Variants in PLEKHH2 observed in about 807,000 individuals in gnomAD.
The protein encoded by PLEKHH2 is pleckstrin homology domain-containing family H member 2.
In PLEKHH2, 129 loss-of-function variants were observed where a neutral mutation model predicts 187.9. The observed-to-expected ratio is 0.69, with a 90% confidence interval of 0.59 to 0.79. The LOEUF (loss-of-function observed/expected upper bound fraction) is 0.79. PLEKHH2 is among the 30% of genes least tolerant of loss of function. PLEKHH2 has a pLI of 0.00. For missense variants in PLEKHH2, 2,076 were observed against 1,751.2 expected (o/e 1.19, Z -3.31); for synonymous variants, 686 against 605.6 (o/e 1.13, Z -1.95).
intron 2 of PLEKHH2, among the ~76,000 whole-genome samples, chr2:43,654,926 C>T (rs1164059639): frequency 6.6e-6 from 1 of 152,122 alleles, no homozygotes; most frequent in African/African-American, 2.4e-5. Context: ...ACTCAGGAGG[C>T]TGAGGCGGGG....
chr2:43,708,794 T>C (rs1669797972), intron 11 of PLEKHH2, among the ~76,000 whole-genome samples: 1 of 152,160 alleles, frequency 6.6e-6, no homozygotes, highest in South Asian at 2.1e-4. Context: ...AATCCTTTAA[T>C]CTCTGGGCCT....
At chr2:43,679,375 G>C (rs1288303873) in intron 3 of PLEKHH2, 3 of 237,912 alleles carry the variant, frequency 1.3e-5, no homozygotes, top group Admixed American at 5.6e-5. Flanking sequence ...AAAATGCTTA[G>C]AGTTGTATTA....
chr2:43,677,206 T>TG (rs1213197797), intron 2 of PLEKHH2, among the ~76,000 whole-genome samples: 26 of 151,734 alleles, frequency 1.7e-4, no homozygotes, highest in Non-Finnish European at 3.1e-4. Flanking sequence ...TTTATGAGTT[T>TG]TTTTTTTTTT....
At chr2:43,720,860 G>A (rs549970334) in intron 16 of PLEKHH2, 111 bp downstream of exon 16, 7 of 1,445,840 alleles carry the variant, frequency 4.8e-6, no homozygotes, top group African/African-American at 4.3e-5. Flanking sequence ...TCTTTATGAG[G>A]TTGAAATTTG....
intron 2 of PLEKHH2, chr2:43,675,599 C>A: frequency 1.2e-6 from 2 of 1,613,508 alleles, no homozygotes; most frequent in Non-Finnish European, 1.7e-6. Context: ...GTATTAAATA[C>A]ATCTCTTCCT....
At chr2:43,660,108 A>C (rs1666991173) in intron 2 of PLEKHH2, among the ~76,000 whole-genome samples, 1 of 152,188 alleles carries the variant, frequency 6.6e-6, no homozygotes, top group African/African-American at 2.4e-5. Context: ...AGTTTTGCCT[A>C]TTTTAGAGCA....
chr2:43,714,543 G>A (rs1461483356), intron 15 of PLEKHH2, among the ~76,000 whole-genome samples: 2 of 152,150 alleles, frequency 1.3e-5, no homozygotes, highest in Non-Finnish European at 2.9e-5. Context: ...TTGGAGGGGA[G>A]GAAGTTTTCT....
At chr2:43,676,222 C>G (rs367551441) in intron 2 of PLEKHH2, 4 of 1,614,006 alleles carry the variant, frequency 2.5e-6, no homozygotes, top group Non-Finnish European at 3.4e-6. Context: ...AGTTTGACCT[C>G]TGTGTCGAAT....
At chr2:43,752,081 G>A (rs183606414) in intron 24 of PLEKHH2, among the ~76,000 whole-genome samples, 17 of 152,198 alleles carry the variant, frequency 1.1e-4, no homozygotes, top group African/African-American at 4.1e-4. Context: ...CCTTCCAGTG[G>A]TAACACTTAG....
chr2:43,740,749 G>T, intron 20 of PLEKHH2, 197 bp from the exon 21 acceptor site: 1 of 989,232 alleles, frequency 1.0e-6, no homozygotes, highest in Non-Finnish European at 1.3e-6. Flanking sequence ...CACACAACTA[G>T]ATGGATCATA....
rs539855970 is a variant in PLEKHH2, at chr2:43,666,480, G to A, written c.124-12383G>A. On this transcript the variant is annotated intron_variant, in intron 2 of 29. Coordinates refer to ENST00000282406, the MANE Select transcript of PLEKHH2 (RefSeq NM_172069.4). ...CTGTAGACCGGAGCTGTTCCTATTC[G>A]GCCATCTTGGCTCCTCCCCCAACAT... 1.0e-3 allele frequency among the ~76,000 whole-genome samples: 149 copies of A among 147,198 alleles called. 3 individuals are homozygous for A. The highest frequency in any genetic ancestry group is 3.6e-3 in the African/African-American group (134 of 36,748).
At chr2:43,731,741 A>G (rs1481140024) in intron 19 of PLEKHH2, 139 bp downstream of exon 19, 7 of 588,312 alleles carry the variant, frequency 1.2e-5, no homozygotes, top group Non-Finnish European at 1.8e-5. Flanking sequence ...ATTATTAAGA[A>G]TATCATTGAA....
At chr2:43,658,422 G>T (rs144777323) in intron 2 of PLEKHH2, among the ~76,000 whole-genome samples, 1 of 152,274 alleles carries the variant, frequency 6.6e-6, no homozygotes, top group African/African-American at 2.4e-5. Context: ...AAAATTTCAT[G>T]GCTTAAAACA....
Position 43,712,339 on chromosome 2 carries a change from C to G in PLEKHH2, c.2416C>G (p.Leu806Val). Reference protein sequence around the residue: ...LRVQAANPLSLQPEGKPTMKG... With the variant: ...LRVQAANPLSVQPEGKPTMKG... Reference sequence around the variant, plus strand: ...AGTACAAGCTGCCAACCCACTTTCCCTGCAGCCTGAGGGCAAACCCACCAT... The same window carrying G: ...AGTACAAGCTGCCAACCCACTTTCCGTGCAGCCTGAGGGCAAACCCACCAT... The change falls in exon 15 of 30, where the codon CTG (leucine) becomes GTG (valine). Residue 806 changes from leucine (L) to valine (V), a missense_variant. Physicochemically the swap from Leu to Val is conservative, Grantham distance 32. Coordinates refer to ENST00000282406, the MANE Select transcript of PLEKHH2 (RefSeq NM_172069.4). The G allele has an allele frequency of 6.2e-7, 1 of 1,614,198 alleles. No homozygotes were observed.
rs867119281 is a variant in PLEKHH2, at chr2:43,759,027, A to T, written c.4069A>T (p.Lys1357Ter). 1.9e-6 allele frequency: 3 copies of T among 1,611,570 alleles called. No homozygotes were observed. Among genetic ancestry groups the T allele is most frequent in the African/African-American group, 2.7e-5 (2 of 74,848 alleles). ...PFFGAKLFLAKPITPSSLGST... is the reference protein window; with the variant it reads ...PFFGAKLFLA Reference sequence around the variant, plus strand: ...CTTTGGTGCCAAGTTGTTTCTTGCAAAAGTAAGAAAGAATGGGAGAGAGAT... The same window carrying T: ...CTTTGGTGCCAAGTTGTTTCTTGCATAAGTAAGAAAGAATGGGAGAGAGAT... The change falls in exon 27 of 30, where the codon AAA becomes TAA. Residue 1357 changes from lysine to a stop codon, truncating the protein, a stop_gained and splice_region_variant. Coordinates refer to ENST00000282406, the MANE Select transcript of PLEKHH2 (RefSeq NM_172069.4). LOFTEE classifies it high-confidence loss of function.
intron 19 of PLEKHH2, among the ~76,000 whole-genome samples, chr2:43,733,519 T>A (rs192031848): frequency 4.7e-4 from 72 of 152,236 alleles, no homozygotes; most frequent in African/African-American, 1.6e-3. Context: ...TGGAGCTCCA[T>A]CTCTTTCTTT....
intron 17 of PLEKHH2, among the ~76,000 whole-genome samples, chr2:43,728,608 C>A (rs1240707747): frequency 1.4e-5 from 2 of 144,118 alleles, no homozygotes; most frequent in African/African-American, 2.6e-5. Context: ...GTTGCCCAGG[C>A]TGGAGTGCAG....
intron 14 of PLEKHH2, chr2:43,711,922 C>T: frequency 9.7e-7 from 1 of 1,032,064 alleles, no homozygotes; most frequent in South Asian, 2.8e-5. Context: ...AAAGTAGGAA[C>T]CTGTAACACA....
chr2:43,725,052 G>C (rs908891642), intron 16 of PLEKHH2, among the ~76,000 whole-genome samples: 4 of 152,210 alleles, frequency 2.6e-5, no homozygotes, highest in Non-Finnish European at 5.9e-5. Flanking sequence ...CCAATTTGTA[G>C]TAAAGATGTC....
Sources: allele counts gnomAD v4.1 joint callset (sites outside exome capture counted in the v4.1 genomes callset), GRCh38; gene constraint gnomAD v4.1.1; transcripts MANE v1.5; gene names NCBI Gene and HGNC (gene_info 2026-07-23, HGNC 2026-07-21).